SLC4A5: variants seen among roughly 807,000 people sequenced by gnomAD.
The protein encoded by SLC4A5 is solute carrier family 4 member 5.
A neutral mutation model predicts 120.4 loss-of-function variants in SLC4A5; 96 were observed. That is an observed-to-expected ratio of 0.80 (90% CI 0.68 to 0.94). SLC4A5 has a LOEUF of 0.94. Among genes scored for constraint, SLC4A5 ranks in the 40% least tolerant of loss-of-function variants. The pLI, the probability that SLC4A5 is intolerant of heterozygous loss-of-function variation, is 0.00. For synonymous variants in SLC4A5, 550 were observed against 571.1 expected, an observed-to-expected ratio of 0.96 and a Z score of 0.53; for missense variants, 1,259 against 1,459.5, an observed-to-expected ratio of 0.86 and a Z score of 2.24.
At chr2:74,227,488 A>G (rs765573964) in intron 26 of SLC4A5, 2 of 1,603,366 alleles carry the variant, frequency 1.2e-6, no homozygotes, top group East Asian at 4.5e-5. Context: ...TGCCTTAGGG[A>G]AGAGAGAGAG....
At chr2:74,244,784 C>T (rs764700942) in intron 19 of SLC4A5, among the ~76,000 whole-genome samples, 6 of 152,218 alleles carry the variant, frequency 3.9e-5, no homozygotes, top group African/African-American at 4.8e-5. Flanking sequence ...TAGGAGGCTA[C>T]GAATTTGTAT....
At position 74,224,730 on chromosome 2, in the gene SLC4A5, G is replaced by A. The variant is rs1048582035; in HGVS notation, c.3246+110C>T. On this transcript the variant is annotated intron_variant, in intron 28 of 30. Transcript: ENST00000394019. ...GCCCCAGCCCATCCTGGACTGGGCC[G>A]AGGCACTGCTGCAGGCCACCCAAGA... The A allele has an allele frequency of 4.3e-5, 63 of 1,463,002 alleles. No individual in the cohort carries two copies. In the East Asian group the frequency reaches 4.8e-4, roughly 11 times the overall value. The allele number at this position is 1,463,002 out of a possible 1,614,324, so 90.6% of individuals were successfully genotyped here.
intron 21 of SLC4A5, among the ~76,000 whole-genome samples, chr2:74,237,975 G>T (rs974891302): frequency 6.6e-6 from 1 of 151,934 alleles, no homozygotes; most frequent in Non-Finnish European, 1.5e-5. Flanking sequence ...GGTGGCAGGC[G>T]CCTGTAGTCC....
intron 21 of SLC4A5, 142 bp from the exon 22 acceptor site, chr2:74,235,356 C>G (rs1343319052): frequency 1.6e-6 from 1 of 623,816 alleles, no homozygotes; most frequent in Non-Finnish European, 2.8e-6. Flanking sequence ...AATCCAGGCT[C>G]TGCTCCTTGC....
chr2:74,227,929 G>T, intron 25 of SLC4A5, 51 bp from the exon 26 acceptor site: 1 of 1,450,716 alleles, frequency 6.9e-7, no homozygotes, highest in Non-Finnish European at 9.3e-7. Flanking sequence ...GCGGCCCTTG[G>T]CCACCCTGTT....
At chr2:74,297,412 G>A (rs1335769432) in intron 7 of SLC4A5, among the ~76,000 whole-genome samples, 4 of 152,158 alleles carry the variant, frequency 2.6e-5, no homozygotes, top group African/African-American at 7.2e-5. Context: ...CCTGGGACAA[G>A]TCTCAGTCCT....
intron 16 of SLC4A5, among the ~76,000 whole-genome samples, chr2:74,251,229 T>G (rs1427389832): frequency 2.0e-5 from 3 of 151,732 alleles, no homozygotes; most frequent in Non-Finnish European, 4.4e-5. Flanking sequence ...AGCAAAAATG[T>G]CTCTGGACAT....
chr2:74,254,665 G>A, exon 14 of SLC4A5: 1 of 1,614,110 alleles, frequency 6.2e-7, no homozygotes, highest in Non-Finnish European at 8.5e-7. Flanking sequence ...TTCATTGTAG[G>A]ATTTTGCTCT....
At chr2:74,301,340 G>A (rs1573078525) in intron 7 of SLC4A5, among the ~76,000 whole-genome samples, 2 of 152,272 alleles carry the variant, frequency 1.3e-5, no homozygotes, top group Admixed American at 1.3e-4. Context: ...GAACTGAAGG[G>A]GTCTCTGCTC....
intron 8 of SLC4A5, among the ~76,000 whole-genome samples, chr2:74,273,180 G>A (rs1168729004): frequency 1.3e-5 from 2 of 152,204 alleles, no homozygotes; most frequent in Non-Finnish European, 2.9e-5. Flanking sequence ...CCCATTATGT[G>A]TAGTTAGATA....
intron 7 of SLC4A5, among the ~76,000 whole-genome samples, chr2:74,288,313 G>A (rs1347264595): frequency 5.3e-5 from 8 of 152,018 alleles, no homozygotes; most frequent in Admixed American, 1.3e-4. Flanking sequence ...CTGGTGTCCC[G>A]TTAATCTCAC....
intron 20 of SLC4A5, 115 bp downstream of exon 20, chr2:74,241,879 G>T: frequency 1.2e-6 from 1 of 832,194 alleles, no homozygotes; most frequent in Non-Finnish European, 1.9e-6. Flanking sequence ...CGTGCAGCTG[G>T]AGTTGACCTC....
chr2:74,321,775 C>T (rs1673104864), intron 5 of SLC4A5, among the ~76,000 whole-genome samples: 1 of 151,520 alleles, frequency 6.6e-6, no homozygotes. Flanking sequence ...AGACACAGGG[C>T]CCTTGATTGC....
rs758299698 is a variant in SLC4A5 at position 74,247,000 on chromosome 2, G to A, written c.2059+36C>T. Reference sequence around the variant, plus strand: ...AAGGATCAGGGGGCCGGTGGGGTAGGTGAGGGCCCACGGCATGTCTGGGGT... The same window carrying A: ...AAGGATCAGGGGGCCGGTGGGGTAGATGAGGGCCCACGGCATGTCTGGGGT... On this transcript the variant is annotated intron_variant, in intron 19 of 30. Transcript: ENST00000394019. 26 of 1,606,404 alleles carry A rather than the reference G, an allele frequency of 1.6e-5. No homozygotes were observed. The African/African-American group carries it at 2.0e-4, about 12-fold the overall frequency.
At chr2:74,320,519 A>G (rs1446135240) in intron 5 of SLC4A5, among the ~76,000 whole-genome samples, 1 of 152,196 alleles carries the variant, frequency 6.6e-6, no homozygotes, top group Non-Finnish European at 1.5e-5. Flanking sequence ...AGACAAAATT[A>G]TTTCCAACCT....
intron 3 of SLC4A5, among the ~76,000 whole-genome samples, chr2:74,336,610 G>A (rs1257887279): frequency 6.6e-6 from 1 of 152,098 alleles, no homozygotes; most frequent in Non-Finnish European, 1.5e-5. Flanking sequence ...ATTTACAGAC[G>A]AAAAAACTAA....
At chr2:74,329,458 A>G (rs1482969557) in intron 4 of SLC4A5, among the ~76,000 whole-genome samples, 1 of 152,134 alleles carries the variant, frequency 6.6e-6, no homozygotes. Flanking sequence ...ATGTGGTGGT[A>G]CATGCCTGTA....
chr2:74,342,811 G>C (rs1457921522), intron 1 of SLC4A5, among the ~76,000 whole-genome samples: 1 of 152,170 alleles, frequency 6.6e-6, no homozygotes, highest in Non-Finnish European at 1.5e-5. Context: ...CTTTGGGCCA[G>C]AAAGCTTAGT....
intron 6 of SLC4A5, among the ~76,000 whole-genome samples, chr2:74,305,709 C>CCCTTTTCTT (rs1224844119): frequency 6.6e-6 from 1 of 150,376 alleles, no homozygotes; most frequent in African/African-American, 2.5e-5. Flanking sequence ...CCCTCCAACT[C>CCCTTTTCTT]CCTTTTCTTT....
Sources: allele counts gnomAD v4.1 joint callset (sites outside exome capture counted in the v4.1 genomes callset), GRCh38; gene constraint gnomAD v4.1.1; transcripts MANE v1.5; gene names NCBI Gene and HGNC (gene_info 2026-07-23, HGNC 2026-07-21).